Variants in VWA3B observed in about 807,000 individuals in gnomAD.
VWA3B encodes the protein von Willebrand factor A domain containing 3B.
VWA3B carries 138 observed loss-of-function variants against 158.3 expected under a neutral mutation model. The ratio of observed to expected loss-of-function variants is 0.87; its 90% CI spans 0.76 to 1.00. The LOEUF (loss-of-function observed/expected upper bound fraction) is 1.00. VWA3B is among the 50% of genes least tolerant of loss of function. The probability of loss-of-function intolerance (pLI) is 0.00; values close to 1 mark genes in which losing one functional copy is unlikely to be tolerated. For missense variants in VWA3B, 1,555 were observed against 1,565.1 expected (o/e 0.99, Z 0.11); for synonymous variants, 596 against 587.3 (o/e 1.01, Z -0.21).
At position 98,270,741 on chromosome 2, in the gene VWA3B, T is replaced by C. The variant is rs1284806652; in HGVS notation, c.2903T>C (p.Leu968Ser). 1 of 1,614,178 alleles carries C rather than the reference T, an allele frequency of 6.2e-7. No individual in the cohort carries two copies. The highest frequency in any genetic ancestry group is 8.5e-7 in the Non-Finnish European group (1 of 1,179,994). Residue 968 changes from leucine (L) to serine (S), a missense_variant, in exon 22 of 28, where the codon TTA becomes TCA. Leu to Ser is a moderately radical substitution (Grantham distance 145, BLOSUM62 -2). Transcript: ENST00000477737. ...AACAAAACAGTTTTAAACCAGGCTT[T>C]AGAACGGTTGAATTGGCCCATTTCA... ...LENKTVLNQA[L>S]ERLNWPISLK...
At chr2:98,233,296 T>A (rs780699509) in intron 16 of VWA3B, among the ~76,000 whole-genome samples, 3 of 152,210 alleles carry the variant, frequency 2.0e-5, no homozygotes, top group Non-Finnish European at 2.9e-5. Context: ...CCATGACTGA[T>A]CCTACAGAGT....
the VWA3B span, among the ~76,000 whole-genome samples, chr2:98,327,403 A>G: frequency 3.3e-5 from 5 of 152,244 alleles, no homozygotes; most frequent in Admixed American, 1.3e-4. Context: ...TCAAATCTCA[A>G]CAAAGATTAC....
rs141345872 is a variant in VWA3B, at chr2:98,312,568, C to T, written c.*219C>T. On this transcript the variant is annotated 3_prime_UTR_variant, in exon 28 of 28. Transcript: ENST00000477737. The stretch of plus-strand genomic sequence containing the variant: ...CTGGCTTTTTCTGACTGTTCTTTAT[C>T]CTGTTTTCCCCCTGCACTCACAAAA... 10 of 555,466 alleles carry T rather than the reference C, an allele frequency of 1.8e-5. No individual in the cohort carries two copies. Among genetic ancestry groups the T allele is most frequent in the South Asian group, 6.3e-5 (2 of 31,754 alleles). 34.4% of individuals were successfully genotyped at this position (555,466 alleles called of 1,614,324 possible).
chr2:98,325,546 T>C, the VWA3B span, among the ~76,000 whole-genome samples: 1 of 152,232 alleles, frequency 6.6e-6, no homozygotes, highest in African/African-American at 2.4e-5. Context: ...TTCCTCAGGC[T>C]GATGGGAATT....
At chr2:98,219,827 G>A (rs1684339466) in intron 14 of VWA3B, among the ~76,000 whole-genome samples, 2 of 152,150 alleles carry the variant, frequency 1.3e-5, no homozygotes, top group African/African-American at 4.8e-5. Context: ...TATGCGGACT[G>A]AAAATATCTT....
At chr2:98,303,263 G>C (rs190562534) in intron 25 of VWA3B, among the ~76,000 whole-genome samples, 3 of 152,082 alleles carry the variant, frequency 2.0e-5, no homozygotes, top group South Asian at 2.1e-4. Context: ...GGCCGGGGGC[G>C]GGGGGTGGAG....
chr2:98,303,331 G>A (rs1690311740), intron 25 of VWA3B, among the ~76,000 whole-genome samples: 1 of 152,132 alleles, frequency 6.6e-6, no homozygotes, highest in African/African-American at 2.4e-5. Flanking sequence ...TAGGGACTTG[G>A]GGAGACCCAA....
At chr2:98,096,332 G>A (rs1573745108) in intron 2 of VWA3B, among the ~76,000 whole-genome samples, 1 of 152,000 alleles carries the variant, frequency 6.6e-6, no homozygotes, top group African/African-American at 2.4e-5. Flanking sequence ...GCAGTGGCAC[G>A]ATTTTGGCTC....
chr2:98,222,725 G>A (rs1278105250), intron 14 of VWA3B, among the ~76,000 whole-genome samples: 1 of 152,214 alleles, frequency 6.6e-6, no homozygotes, highest in Non-Finnish European at 1.5e-5. Flanking sequence ...GACCAGTGGG[G>A]TCCAGAATGG....
chr2:98,144,458 T>C (rs913873350), intron 7 of VWA3B, among the ~76,000 whole-genome samples: 1 of 152,186 alleles, frequency 6.6e-6, no homozygotes, highest in East Asian at 1.9e-4. Context: ...TTTACTTTGG[T>C]TTCCTGAGTT....
intron 13 of VWA3B, among the ~76,000 whole-genome samples, chr2:98,214,027 C>CA (rs1316718747): frequency 7.2e-5 from 11 of 151,796 alleles, no homozygotes; most frequent in Non-Finnish European, 1.3e-4. Flanking sequence ...CCTGTCTCTA[C>CA]AAAAAACTTT....
chr2:98,233,805 G>A (rs1268188759), intron 16 of VWA3B, among the ~76,000 whole-genome samples: 2 of 152,170 alleles, frequency 1.3e-5, no homozygotes, highest in Non-Finnish European at 2.9e-5. Flanking sequence ...TTTCATTCAC[G>A]AATGCTGACA....
intron 7 of VWA3B, among the ~76,000 whole-genome samples, chr2:98,144,104 T>G (rs1676991007): frequency 6.6e-6 from 1 of 152,100 alleles, no homozygotes; most frequent in African/African-American, 2.4e-5. Flanking sequence ...AATATATCTC[T>G]ATATAAGAAT....
intron 19 of VWA3B, among the ~76,000 whole-genome samples, chr2:98,240,626 A>G (rs116439733): frequency 6.6e-6 from 1 of 152,184 alleles, no homozygotes. Context: ...CTTGATAATC[A>G]TTGGTCCTTG....
chr2:98,270,856 G>T lies in VWA3B; in HGVS notation c.3018G>T (p.Lys1006Asn), dbSNP rs746810118. ...QAMELQEAAK[K>N]NYANKAPGEQ... ...TGGAACTCCAGGAGGCTGCCAAGAA[G>T]AATTATGCAAACAAGGCCCCGGGAG... is the stretch of plus-strand genomic sequence containing the variant. Residue 1006 changes from lysine to asparagine, a missense_variant, in exon 22 of 28, where the codon AAG (lysine) becomes AAT (asparagine). Coordinates refer to ENST00000477737, the MANE Select transcript of VWA3B (RefSeq NM_144992.5). The T allele has an allele frequency of 3.8e-5, 62 of 1,613,944 alleles. No homozygotes were observed. The highest frequency in any genetic ancestry group is 4.9e-5 in the Non-Finnish European group (58 of 1,179,948).
At chr2:98,174,889 CAA>C (rs1467269649) in intron 8 of VWA3B, among the ~76,000 whole-genome samples, 1 of 152,158 alleles carries the variant, frequency 6.6e-6, no homozygotes, top group East Asian at 1.9e-4. Context: ...AGGAATAGTC[CAA>C]AAGATTTAAG....
chr2:98,250,259 C>A, intron 19 of VWA3B, 59 bp from the exon 20 acceptor site: 1 of 1,289,156 alleles, frequency 7.8e-7, no homozygotes, highest in South Asian at 1.3e-5. Flanking sequence ...GATGTATTTT[C>A]GAAGGCACGC....
intron 2 of VWA3B, among the ~76,000 whole-genome samples, chr2:98,100,928 C>T (rs1683034046): frequency 6.6e-6 from 1 of 152,110 alleles, no homozygotes; most frequent in Non-Finnish European, 1.5e-5. Flanking sequence ...GACAGTTGTT[C>T]AAATTGATGT....
In VWA3B at chr2:98,162,865, G is replaced by C. The variant is rs756494347; in HGVS notation, c.1003G>C (p.Glu335Gln). 6.2e-7 allele frequency: 1 copy of C among 1,613,594 alleles called. No individual in the cohort carries two copies. Among genetic ancestry groups the C allele is most frequent in the Admixed American group, 1.7e-5 (1 of 59,996 alleles). ...TCCCCTTTTAGGAGCTGGAGTCAGA[G>C]AGGACGTGTTTCTCGTTTGGCAAGA... is the stretch of plus-strand genomic sequence containing the variant. ...GKLPPGAGVR[E>Q]DVFLVWQEME... Residue 335 changes from glutamate (E) to glutamine (Q), a missense_variant, in exon 8 of 28, where the codon GAG becomes CAG. Physicochemically the swap from Glu to Gln is conservative, Grantham distance 29. Transcript: ENST00000477737.
Sources: gnomAD v4.1 joint callset for allele counts (sites outside exome capture counted in the v4.1 genomes callset) on GRCh38, gnomAD v4.1.1 for gene constraint, MANE v1.5 for transcripts, NCBI Gene and HGNC (gene_info 2026-07-23, HGNC 2026-07-21) for gene names.